Variants in PTPRD observed in about 807,000 individuals in gnomAD.
PTPRD encodes the protein receptor-type tyrosine-protein phosphatase delta.
PTPRD carries 34 observed loss-of-function variants against 214.5 expected under a neutral mutation model. The observed-to-expected ratio is 0.16, with a 90% confidence interval of 0.12 to 0.21. The LOEUF is 0.21. PTPRD is among the 10% of genes least tolerant of loss of function. The pLI is 1.00. For synonymous variants in PTPRD, 1,128 were observed against 845.7 expected (o/e 1.33, Z -5.79); for missense variants, 2,545 against 2,398.7 (o/e 1.06, Z -1.27).
chr9:9,036,113 C>G (rs762923570), intron 10 of PTPRD, among the ~76,000 whole-genome samples: 3 of 151,596 alleles, frequency 2.0e-5, no homozygotes, highest in Non-Finnish European at 4.4e-5. Context: ...GATTATTCTC[C>G]TTTTGCCATC....
At chr9:8,411,300 C>CTTTTATTTTTAT (rs145652675) in intron 35 of PTPRD, among the ~76,000 whole-genome samples, 3 of 151,068 alleles carry the variant, frequency 2.0e-5, no homozygotes, top group African/African-American at 4.9e-5. Flanking sequence ...TTTTATTTAT[C>CTTTTATTTTTAT]TTTTATTTTT....
chr9:10,606,971 A>C (rs2079564008), intron 2 of PTPRD, among the ~76,000 whole-genome samples: 1 of 151,958 alleles, frequency 6.6e-6, no homozygotes, highest in Admixed American at 6.6e-5. Context: ...TTCTGTATTT[A>C]ATCATAATAC....
chr9:8,687,134 A>G (rs1426447001), intron 12 of PTPRD, among the ~76,000 whole-genome samples: 1 of 152,226 alleles, frequency 6.6e-6, no homozygotes, highest in African/African-American at 2.4e-5. Flanking sequence ...CCTAAAAAAT[A>G]TTCCACATAT....
intron 3 of PTPRD, among the ~76,000 whole-genome samples, chr9:10,324,159 G>C (rs905213395): frequency 3.9e-5 from 6 of 151,952 alleles, no homozygotes; most frequent in Admixed American, 6.6e-5. Flanking sequence ...GGATTGATTG[G>C]CTCTTCTCTA....
chr9:9,221,905 G>C (rs1289474967), intron 9 of PTPRD, among the ~76,000 whole-genome samples: 1 of 152,002 alleles, frequency 6.6e-6, no homozygotes, highest in Non-Finnish European at 1.5e-5. Flanking sequence ...TAGAAATATA[G>C]ACTCTGAAAC....
chr9:10,522,315 G>T (rs897526939), intron 2 of PTPRD, among the ~76,000 whole-genome samples: 1 of 152,160 alleles, frequency 6.6e-6, no homozygotes, highest in African/African-American at 2.4e-5. Flanking sequence ...CAGCCCTCAA[G>T]TGTGTGGTGT....
chr9:9,427,325 C>G (rs1002320830), intron 8 of PTPRD, among the ~76,000 whole-genome samples: 4 of 151,892 alleles, frequency 2.6e-5, no homozygotes, highest in Non-Finnish European at 5.9e-5. Flanking sequence ...GATGGAAGAT[C>G]AAATGAATGA....
intron 7 of PTPRD, among the ~76,000 whole-genome samples, chr9:9,666,542 AAAC>A (rs1713213328): frequency 1.3e-5 from 2 of 152,000 alleles, no homozygotes; most frequent in Non-Finnish European, 2.9e-5. Flanking sequence ...CAAAACTTAC[AAAC>A]AATAATAAAA....
chr9:9,317,500 C>T (rs1296495167), intron 9 of PTPRD, among the ~76,000 whole-genome samples: 4 of 152,062 alleles, frequency 2.6e-5, no homozygotes, highest in African/African-American at 9.7e-5. Flanking sequence ...GTTCTGTCTA[C>T]CCCACCTCCT....
chr9:9,260,351 A>G lies in PTPRD; in HGVS notation c.-202-76988T>C, dbSNP rs146977197. Among the ~76,000 whole-genome samples the G allele has an allele frequency of 4.1e-3, 630 of 151,956 alleles. 11 individuals are homozygous for G. The East Asian group carries it at 0.06, about 14-fold the overall frequency. On this transcript the variant is annotated intron_variant, in intron 9 of 45. Coordinates refer to ENST00000381196, the MANE Select transcript of PTPRD (RefSeq NM_002839.4). ...AAGGGACTGACTATATTAAATCATG[A>G]TTCAAGTAGAAAACCGAAATCACGT...
intron 8 of PTPRD, among the ~76,000 whole-genome samples, chr9:9,569,481 C>A (rs2085667788): frequency 6.6e-6 from 1 of 151,686 alleles, no homozygotes; most frequent in South Asian, 2.1e-4. Context: ...AAATCCCATC[C>A]ATTTTATTGC....
chr9:9,136,940 C>T (rs2099851843), intron 10 of PTPRD, among the ~76,000 whole-genome samples: 1 of 152,096 alleles, frequency 6.6e-6, no homozygotes, highest in Admixed American at 6.6e-5. Context: ...CTGGCTTGCT[C>T]AGGGATAAAC....
At chr9:9,778,589 G>T (rs1340278603) in intron 5 of PTPRD, among the ~76,000 whole-genome samples, 1 of 152,096 alleles carries the variant, frequency 6.6e-6, no homozygotes, top group Non-Finnish European at 1.5e-5. Context: ...CTGTCTGTCT[G>T]CCCCTCCCAT....
At chr9:10,505,700 A>G (rs1053217786) in intron 2 of PTPRD, among the ~76,000 whole-genome samples, 1 of 150,312 alleles carries the variant, frequency 6.7e-6, no homozygotes, top group Non-Finnish European at 1.5e-5. Context: ...AAAAAAAAAA[A>G]CTGCAGATTA....
At chr9:9,426,610 C>G (rs2081032969) in intron 8 of PTPRD, among the ~76,000 whole-genome samples, 1 of 152,186 alleles carries the variant, frequency 6.6e-6, no homozygotes. Context: ...ACTGCCTCCT[C>G]AAGTGGGACC....
At chr9:8,397,360 T>C (rs572961839) in intron 36 of PTPRD, among the ~76,000 whole-genome samples, 1 of 152,258 alleles carries the variant, frequency 6.6e-6, no homozygotes, top group South Asian at 2.1e-4. Context: ...ATAATTGTAA[T>C]TGTTTTGATG....
At chr9:9,656,171 G>A (rs923321452) in intron 7 of PTPRD, among the ~76,000 whole-genome samples, 17 of 152,112 alleles carry the variant, frequency 1.1e-4, no homozygotes, top group African/African-American at 3.9e-4. Flanking sequence ...TATTTCCAGT[G>A]GGAATCCAAA....
chr9:10,568,415 C>T (rs1046639879), intron 2 of PTPRD, among the ~76,000 whole-genome samples: 65 of 151,670 alleles, frequency 4.3e-4, no homozygotes, highest in African/African-American at 1.4e-3. Context: ...TGAATAGTGC[C>T]GCAATAAACA....
intron 8 of PTPRD, among the ~76,000 whole-genome samples, chr9:9,548,540 A>T (rs2079391097): frequency 6.6e-6 from 1 of 151,470 alleles, no homozygotes; most frequent in South Asian, 2.1e-4. Flanking sequence ...CCTGGGCTAC[A>T]GGCGTCTGCC....
Sources: allele counts gnomAD v4.1 joint callset (sites outside exome capture counted in the v4.1 genomes callset), GRCh38; gene constraint gnomAD v4.1.1; transcripts MANE v1.5; gene names NCBI Gene and HGNC (gene_info 2026-07-23, HGNC 2026-07-21).